The following DACH1 variants were observed in gnomAD, a reference collection of about 807,000 sequenced individuals.
DACH1 encodes the protein dachshund homolog 1.
Under a neutral mutation model 54.2 loss-of-function variants are expected in DACH1, and 12 were observed. The observed-to-expected ratio is 0.22, with a 90% CI of 0.14 to 0.36. The LOEUF (loss-of-function observed/expected upper bound fraction) is 0.36. Among genes scored for constraint, DACH1 ranks in the 10% least tolerant of loss-of-function variants. DACH1 has a pLI of 1.00. For synonymous variants in DACH1, 386 were observed against 366.2 expected, an observed-to-expected ratio of 1.05 and a Z score of -0.62; for missense variants, 805 against 929.8, an observed-to-expected ratio of 0.87 and a Z score of 1.75.
intron 6 of DACH1, among the ~76,000 whole-genome samples, chr13:71,517,253 C>A (rs953781111): frequency 1.3e-3 from 199 of 151,930 alleles, no homozygotes; most frequent in African/African-American, 4.7e-3. Context: ...TTGTAAAAAT[C>A]TCAATTAAAA....
At chr13:71,498,408 G>T (rs1318358276) in intron 6 of DACH1, among the ~76,000 whole-genome samples, 1 of 152,178 alleles carries the variant, frequency 6.6e-6, no homozygotes, top group East Asian at 1.9e-4. Flanking sequence ...CTGTCCCAGG[G>T]TTATACCACA....
intron 1 of DACH1, among the ~76,000 whole-genome samples, chr13:71,852,191 C>T (rs1056570639): frequency 3.3e-5 from 5 of 152,124 alleles, no homozygotes; most frequent in African/African-American, 1.2e-4. Flanking sequence ...AGGAGCCAGC[C>T]GAGTTCAGAG....
intron 1 of DACH1, among the ~76,000 whole-genome samples, chr13:71,807,440 A>G (rs1049082075): frequency 1.7e-4 from 25 of 150,726 alleles, no homozygotes; most frequent in Non-Finnish European, 3.5e-4. Context: ...AAAAAAAAAA[A>G]TCCTCAATAT....
intron 3 of DACH1, among the ~76,000 whole-genome samples, chr13:71,587,791 C>A (rs1198138518): frequency 1.3e-5 from 2 of 151,962 alleles, no homozygotes; most frequent in Non-Finnish European, 1.5e-5. Context: ...AAAGAGAGTA[C>A]AAATCTTCTA....
At chr13:71,638,252 T>C (rs1877633969) in intron 2 of DACH1, among the ~76,000 whole-genome samples, 1 of 152,198 alleles carries the variant, frequency 6.6e-6, no homozygotes, top group Admixed American at 6.5e-5. Flanking sequence ...AGGCGGCTTA[T>C]AAATATCTCA....
chr13:71,719,683 A>G (rs1452230736), intron 1 of DACH1, among the ~76,000 whole-genome samples: 1 of 152,036 alleles, frequency 6.6e-6, no homozygotes, highest in Non-Finnish European at 1.5e-5. Context: ...TCGGTAACAT[A>G]CTGAAACCCC....
At chr13:71,465,255 T>C (rs1050955684) in intron 10 of DACH1, among the ~76,000 whole-genome samples, 1 of 152,126 alleles carries the variant, frequency 6.6e-6, no homozygotes, top group African/African-American at 2.4e-5. Flanking sequence ...TGCATTTGTA[T>C]ACCAATTTTT....
chr13:71,832,139 G>A (rs564903732), intron 1 of DACH1, among the ~76,000 whole-genome samples: 1 of 152,052 alleles, frequency 6.6e-6, no homozygotes, highest in South Asian at 2.1e-4. Context: ...TTGGTGTTTA[G>A]ACAGTAAAGG....
chr13:71,841,010 T>C (rs1189263034), intron 1 of DACH1, among the ~76,000 whole-genome samples: 1 of 152,200 alleles, frequency 6.6e-6, no homozygotes, highest in Non-Finnish European at 1.5e-5. Flanking sequence ...TTACTGTATG[T>C]TTTAGAAGAA....
At chr13:71,649,536 C>T (rs1318105643) in intron 2 of DACH1, among the ~76,000 whole-genome samples, 2 of 152,098 alleles carry the variant, frequency 1.3e-5, no homozygotes, top group Non-Finnish European at 2.9e-5. Flanking sequence ...TAAGGTAGAA[C>T]ATAAGCAATC....
chr13:71,583,455 CAT>C (rs367645104), intron 3 of DACH1, among the ~76,000 whole-genome samples: 79 of 152,228 alleles, frequency 5.2e-4, no homozygotes, highest in African/African-American at 1.6e-3. Context: ...ACAAAAATAA[CAT>C]GTATTCAAAT....
chr13:71,756,807 T>C (rs1205296525), intron 1 of DACH1, among the ~76,000 whole-genome samples: 2 of 152,050 alleles, frequency 1.3e-5, no homozygotes, highest in Non-Finnish European at 2.9e-5. Flanking sequence ...AAATCATAAC[T>C]CTCAGTATAT....
At chr13:71,636,460 G>A (rs1375855985) in intron 2 of DACH1, among the ~76,000 whole-genome samples, 3 of 151,866 alleles carry the variant, frequency 2.0e-5, no homozygotes, top group Non-Finnish European at 4.4e-5. Context: ...TGATTAGCTA[G>A]AGATGCTTTA....
intron 6 of DACH1, among the ~76,000 whole-genome samples, chr13:71,551,392 T>G (rs1469930417): frequency 2.6e-5 from 4 of 152,128 alleles, no homozygotes; most frequent in Non-Finnish European, 4.4e-5. Flanking sequence ...ATTGATTTAT[T>G]GAACATTAGG....
intron 3 of DACH1, among the ~76,000 whole-genome samples, chr13:71,627,547 T>G (rs1253254951): frequency 6.6e-6 from 1 of 152,012 alleles, no homozygotes; most frequent in Non-Finnish European, 1.5e-5. Context: ...CAGTCTGTAT[T>G]CTAAAATATA....
At chr13:71,696,188 A>G (rs1278523557) in intron 1 of DACH1, among the ~76,000 whole-genome samples, 1 of 152,168 alleles carries the variant, frequency 6.6e-6, no homozygotes, top group African/African-American at 2.4e-5. Flanking sequence ...ACACCTGCAC[A>G]TGTACCCCCA....
intron 6 of DACH1, among the ~76,000 whole-genome samples, chr13:71,524,534 C>G (rs1411319640): frequency 6.6e-6 from 1 of 152,066 alleles, no homozygotes; most frequent in East Asian, 1.9e-4. Context: ...ATAAGGAAAA[C>G]TTAAATTACG....
At chr13:71,600,279 G>A (rs188327894) in intron 3 of DACH1, among the ~76,000 whole-genome samples, 3 of 152,006 alleles carry the variant, frequency 2.0e-5, no homozygotes, top group African/African-American at 7.2e-5. Flanking sequence ...ATACTGCAAA[G>A]CATAAACAAA....
At chr13:71,589,141 C>T (rs1399738241) in intron 3 of DACH1, among the ~76,000 whole-genome samples, 1 of 151,936 alleles carries the variant, frequency 6.6e-6, no homozygotes, top group East Asian at 1.9e-4. Flanking sequence ...CATACTTCTT[C>T]AAGAAAGCTG....
Sources: allele counts gnomAD v4.1 joint callset (sites outside exome capture counted in the v4.1 genomes callset), GRCh38; gene constraint gnomAD v4.1.1; transcripts MANE v1.5; gene names NCBI Gene and HGNC (gene_info 2026-07-23, HGNC 2026-07-21).